STARD13: variants seen among roughly 807,000 people sequenced by gnomAD.
STARD13 encodes the protein StAR related lipid transfer domain containing 13.
A neutral mutation model predicts 106.4 loss-of-function variants in STARD13; 62 were observed. The observed-to-expected ratio is 0.58, with a 90% CI of 0.48 to 0.72. STARD13 has a LOEUF of 0.72. Ranked by LOEUF, STARD13 falls within the 30% of genes least tolerant of loss-of-function variation. The pLI is 0.00. For missense variants in STARD13, 1,387 were observed against 1,424.0 expected (o/e 0.97, Z 0.42); for synonymous variants, 565 against 553.0 (o/e 1.02, Z -0.31).
At chr13:33,469,043 T>C in the STARD13 span, among the ~76,000 whole-genome samples, 1 of 152,238 alleles carries the variant, frequency 6.6e-6, no homozygotes, top group Non-Finnish European at 1.5e-5. Flanking sequence ...TGTGTTATTG[T>C]ATATTTGGGG....
At chr13:33,417,851 G>A in the STARD13 span, among the ~76,000 whole-genome samples, 2 of 152,060 alleles carry the variant, frequency 1.3e-5, no homozygotes, top group African/African-American at 2.4e-5. Flanking sequence ...TATTTATTAC[G>A]GTGATAGCTG....
Position 33,109,856 on chromosome 13 carries a change from C to T in STARD13, c.3047+17G>A, listed in dbSNP as rs774265449. 3.7e-6 allele frequency: 6 copies of T among 1,613,248 alleles called. No individual in the cohort carries two copies. Among genetic ancestry groups the T allele is most frequent in the Non-Finnish European group, 3.4e-6 (4 of 1,179,172 alleles). ...GCCTTTGGAACAGAACATCATAAAC[C>T]CTAGAGTCAGGCTCACCTGAGAACC... On this transcript the variant is annotated intron_variant, in intron 12 of 13. Transcript: ENST00000336934.
the STARD13 span, among the ~76,000 whole-genome samples, chr13:33,665,098 G>T: frequency 1.3e-5 from 2 of 152,216 alleles, no homozygotes; most frequent in African/African-American, 4.8e-5. Context: ...AGGGTCAGGG[G>T]CCTGTCAAGG....
the STARD13 span, among the ~76,000 whole-genome samples, chr13:33,467,115 A>T: frequency 1.3e-5 from 2 of 152,020 alleles, no homozygotes; most frequent in Non-Finnish European, 2.9e-5. Context: ...TATTATTATT[A>T]CATCCTAATA....
At chr13:33,486,579 C>T in the STARD13 span, among the ~76,000 whole-genome samples, 4 of 152,050 alleles carry the variant, frequency 2.6e-5, no homozygotes, top group South Asian at 2.1e-4. Context: ...AGAGTGAAAC[C>T]GCAGAGAAGT....
At chr13:33,151,305 G>A (rs893453043) in intron 3 of STARD13, among the ~76,000 whole-genome samples, 2 of 152,176 alleles carry the variant, frequency 1.3e-5, no homozygotes, top group African/African-American at 4.8e-5. Context: ...AAGGAGCATG[G>A]TGTTGGCCTC....
chr13:33,157,548 T>C (rs941290317), intron 3 of STARD13, among the ~76,000 whole-genome samples: 5 of 152,184 alleles, frequency 3.3e-5, no homozygotes, highest in African/African-American at 1.2e-4. Flanking sequence ...TTGGTGCCTG[T>C]AATCCCAGAT....
At chr13:33,424,571 C>T in the STARD13 span, among the ~76,000 whole-genome samples, 3 of 152,124 alleles carry the variant, frequency 2.0e-5, no homozygotes, top group African/African-American at 4.8e-5. Flanking sequence ...TGTGTCTGGC[C>T]TAAGCAACAC....
chr13:33,430,575 A>G, the STARD13 span, among the ~76,000 whole-genome samples: 1 of 152,222 alleles, frequency 6.6e-6, no homozygotes, highest in East Asian at 1.9e-4. Context: ...ACCACTGGAT[A>G]TATATCCAAA....
At chr13:33,171,926 C>T (rs1263752748) in intron 1 of STARD13, among the ~76,000 whole-genome samples, 1 of 152,202 alleles carries the variant, frequency 6.6e-6, no homozygotes, top group African/African-American at 2.4e-5. Context: ...GAAGCTCTTG[C>T]TAGCACCTGG....
intron 1 of STARD13, among the ~76,000 whole-genome samples, chr13:33,218,042 G>A (rs1888142114): frequency 6.6e-6 from 1 of 152,096 alleles, no homozygotes; most frequent in African/African-American, 2.4e-5. Context: ...CCACTTTACA[G>A]AGGAGAAAAC....
chr13:33,525,844 T>C, the STARD13 span, among the ~76,000 whole-genome samples: 13 of 152,186 alleles, frequency 8.5e-5, no homozygotes, highest in African/African-American at 2.9e-4. Context: ...TGTACATGAA[T>C]CTAGCACTGC....
the STARD13 span, among the ~76,000 whole-genome samples, chr13:33,475,021 T>C: frequency 6.6e-6 from 1 of 152,204 alleles, no homozygotes; most frequent in South Asian, 2.1e-4. Flanking sequence ...AAGAAGTGAG[T>C]GCATATAAAA....
At chr13:33,287,229 G>A (rs1396882789), upstream of STARD13, among the ~76,000 whole-genome samples, 3 of 152,096 alleles carry the variant, frequency 2.0e-5, no homozygotes, top group African/African-American at 7.2e-5. Flanking sequence ...CTGGCTCTCC[G>A]AGGCCCATAA....
chr13:33,117,557 A>G, intron 8 of STARD13: 1 of 921,202 alleles, frequency 1.1e-6, no homozygotes, highest in Non-Finnish European at 1.3e-6. Context: ...GTGAAAATAT[A>G]AATAAGTTTA....
intron 1 of STARD13, among the ~76,000 whole-genome samples, chr13:33,170,498 C>T (rs1883833599): frequency 6.6e-6 from 1 of 152,102 alleles, no homozygotes. Flanking sequence ...ACATGAATAA[C>T]CAAATTTTAA....
intron 1 of STARD13, among the ~76,000 whole-genome samples, chr13:33,251,516 T>C (rs573842599): frequency 5.1e-4 from 77 of 152,232 alleles, no homozygotes; most frequent in Non-Finnish European, 9.8e-4. Flanking sequence ...GCCACTAATT[T>C]GCAGAGCTTT....
intron 1 of STARD13, among the ~76,000 whole-genome samples, chr13:33,305,374 T>C (rs1306431499): frequency 6.6e-6 from 1 of 152,210 alleles, no homozygotes; most frequent in Non-Finnish European, 1.5e-5. Flanking sequence ...TTGGATTAGG[T>C]AGAGCCTCAT....
At chr13:33,532,319 CT>C in the STARD13 span, among the ~76,000 whole-genome samples, 2 of 152,118 alleles carry the variant, frequency 1.3e-5, no homozygotes, top group African/African-American at 4.8e-5. Context: ...ATTATGATCT[CT>C]TATAAATCAT....
Sources: allele counts gnomAD v4.1 joint callset (sites outside exome capture counted in the v4.1 genomes callset), GRCh38; gene constraint gnomAD v4.1.1; transcripts MANE v1.5; gene names NCBI Gene and HGNC (gene_info 2026-07-23, HGNC 2026-07-21).